The following CDH12 variants were observed in gnomAD, a reference collection of about 807,000 sequenced individuals.
CDH12 encodes the protein cadherin 12.
Under a neutral mutation model 74.1 loss-of-function variants are expected in CDH12, and 41 were observed. The observed-to-expected ratio is 0.55, with a 90% confidence interval of 0.43 to 0.72. The LOEUF is 0.72. CDH12 is among the 30% of genes least tolerant of loss of function. CDH12 has a pLI of 0.00. For missense variants in CDH12, 945 were observed against 977.2 expected, an observed-to-expected ratio of 0.97 and a Z score of 0.44; for synonymous variants, 399 against 355.0, an observed-to-expected ratio of 1.12 and a Z score of -1.39.
At chr5:21,766,998 T>G (rs1745062385) in intron 11 of CDH12, among the ~76,000 whole-genome samples, 1 of 151,882 alleles carries the variant, frequency 6.6e-6, no homozygotes, top group Admixed American at 6.6e-5. Context: ...TCTTAAAATC[T>G]ATTATATATT....
At chr5:22,126,040 CT>C (rs1418362365) in intron 4 of CDH12, among the ~76,000 whole-genome samples, 1 of 150,036 alleles carries the variant, frequency 6.7e-6, no homozygotes, top group African/African-American at 2.4e-5. Flanking sequence ...TAATATTGTC[CT>C]TTTTTTCTAA....
chr5:22,756,288 C>T (rs556430560), intron 1 of CDH12, among the ~76,000 whole-genome samples: 107 of 152,062 alleles, frequency 7.0e-4, no homozygotes, highest in Middle Eastern at 3.5e-3. Context: ...ACAAATCCAT[C>T]GTACACTATA....
chr5:22,096,218 A>G (rs954167836), intron 4 of CDH12, among the ~76,000 whole-genome samples: 3 of 151,884 alleles, frequency 2.0e-5, no homozygotes, highest in South Asian at 2.1e-4. Flanking sequence ...CCCAATACAA[A>G]CTCGACAGTA....
chr5:22,263,017 A>C (rs1053122993), intron 3 of CDH12, among the ~76,000 whole-genome samples: 6 of 151,948 alleles, frequency 3.9e-5, no homozygotes, highest in Non-Finnish European at 8.8e-5. Flanking sequence ...CCCATCAAAA[A>C]GTGGGCGAAG....
At chr5:22,702,539 C>T (rs187965778) in intron 1 of CDH12, among the ~76,000 whole-genome samples, 1 of 151,896 alleles carries the variant, frequency 6.6e-6, no homozygotes, top group Admixed American at 6.6e-5. Context: ...CTCTCTCTTC[C>T]CCTTCTCCTT....
intron 4 of CDH12, among the ~76,000 whole-genome samples, chr5:22,145,573 CA>C: frequency 6.6e-6 from 1 of 152,142 alleles, no homozygotes; most frequent in Middle Eastern, 3.4e-3. Flanking sequence ...AAAGAATAAA[CA>C]CACAATATAT....
At chr5:21,884,151 C>T in intron 6 of CDH12, 1 of 1,556,568 alleles carries the variant, frequency 6.4e-7, no homozygotes, top group Non-Finnish European at 8.9e-7. Flanking sequence ...AATTATTGAC[C>T]CAACAAAGCT....
At chr5:22,371,702 C>G (rs2126345439) in intron 3 of CDH12, among the ~76,000 whole-genome samples, 1 of 152,174 alleles carries the variant, frequency 6.6e-6, no homozygotes, top group South Asian at 2.1e-4. Flanking sequence ...CTTTTAAAAT[C>G]AATTAAGTAT....
intron 6 of CDH12, among the ~76,000 whole-genome samples, chr5:21,855,008 T>C (rs1750681738): frequency 6.6e-6 from 1 of 151,790 alleles, no homozygotes; most frequent in East Asian, 1.9e-4. Flanking sequence ...TTTTAAAAGT[T>C]GTGTCCATTT....
At chr5:22,810,099 C>G (rs1238973402) in intron 1 of CDH12, among the ~76,000 whole-genome samples, 1 of 152,096 alleles carries the variant, frequency 6.6e-6, no homozygotes, top group Non-Finnish European at 1.5e-5. Context: ...AATGAGGTTT[C>G]TTATTTCCCA....
intron 1 of CDH12, among the ~76,000 whole-genome samples, chr5:22,578,051 C>T (rs928147404): frequency 8.6e-5 from 13 of 152,042 alleles, no homozygotes; most frequent in African/African-American, 2.9e-4. Context: ...GTTGTTTGGC[C>T]TGGTATTAGA....
chr5:22,732,804 C>A (rs770375182), intron 1 of CDH12, among the ~76,000 whole-genome samples: 23 of 151,858 alleles, frequency 1.5e-4, no homozygotes, highest in Admixed American at 3.9e-4. Flanking sequence ...GGAATCAACC[C>A]TGCTGATACC....
chr5:21,835,733 C>T lies in CDH12; in HGVS notation c.814+6428G>A, dbSNP rs115621590. ...AAGTTACATATTTTAAAAAACATTT[C>T]TTTAAAAAAAAGACCTATGGTAGAT... On this transcript the variant is annotated intron_variant, in intron 8 of 14. Transcript: ENST00000382254. 4.8e-3 allele frequency among the ~76,000 whole-genome samples: 728 copies of T among 151,552 alleles called. 14 individuals carry two copies. The highest frequency in any genetic ancestry group is 0.017 in the African/African-American group (710 of 41,334).
At chr5:22,094,120 A>C (rs930547575) in intron 4 of CDH12, among the ~76,000 whole-genome samples, 8 of 152,200 alleles carry the variant, frequency 5.3e-5, no homozygotes, top group African/African-American at 1.9e-4. Context: ...GCAGAGGGAA[A>C]TCAAGAGGCA....
chr5:21,880,689 T>C (rs914603307), intron 6 of CDH12, among the ~76,000 whole-genome samples: 4 of 131,588 alleles, frequency 3.0e-5, no homozygotes, highest in African/African-American at 1.1e-4. Flanking sequence ...CTTTCTTTCT[T>C]TCTCTTTTCT....
chr5:21,753,678 CAA>C (rs1354544702), intron 14 of CDH12, among the ~76,000 whole-genome samples: 1 of 151,762 alleles, frequency 6.6e-6, no homozygotes, highest in African/African-American at 2.4e-5. Flanking sequence ...TATGACAGGA[CAA>C]AGAGTGTCAA....
chr5:22,675,763 C>G (rs533100861), intron 1 of CDH12, among the ~76,000 whole-genome samples: 1 of 150,940 alleles, frequency 6.6e-6, no homozygotes, highest in Admixed American at 6.6e-5. Flanking sequence ...CATTAAACCT[C>G]TTTTTTTGTA....
At chr5:22,776,849 CAT>C (rs1426373466) in intron 1 of CDH12, among the ~76,000 whole-genome samples, 10 of 152,088 alleles carry the variant, frequency 6.6e-5, no homozygotes, top group African/African-American at 2.4e-4. Context: ...AACATTTGGA[CAT>C]AGTTTCAGGC....
chr5:22,641,728 T>C (rs935756470), intron 1 of CDH12, among the ~76,000 whole-genome samples: 9 of 152,332 alleles, frequency 5.9e-5, no homozygotes, highest in African/African-American at 2.2e-4. Flanking sequence ...TTTCTTGCTA[T>C]TCAAATATCA....
Sources: gnomAD v4.1 joint callset for allele counts (sites outside exome capture counted in the v4.1 genomes callset) on GRCh38, gnomAD v4.1.1 for gene constraint, MANE v1.5 for transcripts, NCBI Gene and HGNC (gene_info 2026-07-23, HGNC 2026-07-21) for gene names.